The following GREB1 variants were observed in gnomAD, a reference collection of about 807,000 sequenced individuals.
GREB1 encodes the protein growth regulating estrogen receptor binding 1.
GREB1 carries 106 observed loss-of-function variants against 200.7 expected under a neutral mutation model. The ratio of observed to expected loss-of-function variants is 0.53; its 90% CI spans 0.45 to 0.62. The LOEUF is 0.62. Among genes scored for constraint, GREB1 ranks in the 20% least tolerant of loss-of-function variants. The pLI is 0.00. For missense variants in GREB1, 2,243 were observed against 2,556.8 expected, an observed-to-expected ratio of 0.88 and a Z score of 2.65; for synonymous variants, 1,132 against 1,092.4, an observed-to-expected ratio of 1.04 and a Z score of -0.72.
intron 1 of GREB1, among the ~76,000 whole-genome samples, chr2:11,538,946 C>CCT (rs1558512216): frequency 0.17 from 2,885 of 16,698 alleles, 937 homozygotes; most frequent in Non-Finnish European, 0.36. Context: ...CCCCTCCCCT[C>CCT]GTGTCCCCTC....
At chr2:11,631,033 AC>A (rs1242766685) in intron 26 of GREB1, among the ~76,000 whole-genome samples, 1 of 152,126 alleles carries the variant, frequency 6.6e-6, no homozygotes, top group Non-Finnish European at 1.5e-5. Flanking sequence ...GGTACCTCCT[AC>A]CCCACGGGCT....
At chr2:11,585,578 G>A (rs1679997433) in intron 8 of GREB1, among the ~76,000 whole-genome samples, 184 bp from the exon 9 acceptor site, 1 of 152,258 alleles carries the variant, frequency 6.6e-6, no homozygotes, top group African/African-American at 2.4e-5. Context: ...ACTGGGGGAA[G>A]GATGGGCGGA....
At chr2:11,635,979 A>C (rs78772769) in intron 30 of GREB1, among the ~76,000 whole-genome samples, 1 of 152,030 alleles carries the variant, frequency 6.6e-6, no homozygotes, top group Non-Finnish European at 1.5e-5. Context: ...TTTCTCTGTC[A>C]CTTCTGTCTG....
chr2:11,530,450 G>A (rs899519150), upstream of GREB1, among the ~76,000 whole-genome samples: 1 of 150,734 alleles, frequency 6.6e-6, no homozygotes, highest in Non-Finnish European at 1.5e-5. Context: ...TAGGTTAAAA[G>A]TTAAGTTACC....
At chr2:11,572,941 G>A (rs1311711663) in intron 4 of GREB1, among the ~76,000 whole-genome samples, 1 of 152,018 alleles carries the variant, frequency 6.6e-6, no homozygotes, top group Non-Finnish European at 1.5e-5. Flanking sequence ...TTGTTTTGTT[G>A]GGCTTCATGA....
chr2:11,638,723 C>G lies in GREB1; in HGVS notation c.5600C>G (p.Ser1867Trp), dbSNP rs558861861. The change falls in exon 32 of 33, where the codon TCG becomes TGG. Residue 1867 changes from serine (S) to tryptophan (W), a missense_variant. Physicochemically the swap from Ser to Trp is radical, Grantham distance 177 (BLOSUM62 -3). Coordinates refer to ENST00000381486, the MANE Select transcript of GREB1 (RefSeq NM_014668.4). The stretch of plus-strand genomic sequence containing the variant: ...CCCCACTCTTTAAACATCAGCTGCT[C>G]GGACTTGCTGTTCAGTGGGCTGCTG... ...SRPHSLNISC[S>W]DLLFSGLLLY... 2 of 1,614,036 alleles carry G rather than the reference C, an allele frequency of 1.2e-6. No homozygotes were observed. The highest frequency in any genetic ancestry group is 8.5e-7 in the Non-Finnish European group (1 of 1,179,874).
At chr2:11,564,584 C>G (rs865993818) in intron 3 of GREB1, among the ~76,000 whole-genome samples, 1 of 152,332 alleles carries the variant, frequency 6.6e-6, no homozygotes, top group African/African-American at 2.4e-5. Context: ...CAAATAAATA[C>G]AGTAAACACT....
intron 7 of GREB1, among the ~76,000 whole-genome samples, chr2:11,582,688 T>G (rs1679628019): frequency 6.6e-6 from 1 of 152,252 alleles, no homozygotes; most frequent in African/African-American, 2.4e-5. Flanking sequence ...TGGTACCAGC[T>G]GCTGGGGAGC....
rs1243084854 is a variant in GREB1, at chr2:11,597,031, G to A, written c.1955-750G>A. On this transcript the variant is annotated intron_variant, in intron 13 of 32. Coordinates refer to ENST00000381486, the MANE Select transcript of GREB1 (RefSeq NM_014668.4). This position sits in a 1 kb window ranked among gnomAD's most constrained non-coding sequence, Gnocchi z 4.1. ...GCTGTGTGCAGTGAGAGGCGCCAAT[G>A]GGCACAGGTGTGCACCGTGAGAGAG... is the stretch of plus-strand genomic sequence containing the variant. Among the ~76,000 whole-genome samples, 1 of 151,976 alleles carries A rather than the reference G, an allele frequency of 6.6e-6. No individual in the cohort carries two copies. Among genetic ancestry groups the A allele is most frequent in the Non-Finnish European group, 1.5e-5 (1 of 67,948 alleles).
At chr2:11,529,518 T>C (rs1673994510), upstream of GREB1, among the ~76,000 whole-genome samples, 1 of 152,160 alleles carries the variant, frequency 6.6e-6, no homozygotes, top group African/African-American at 2.4e-5. Flanking sequence ...TGTAAGTGGG[T>C]ACCACCCCCT....
intron 32 of GREB1, among the ~76,000 whole-genome samples, chr2:11,639,660 C>A (rs1392359418): frequency 6.6e-6 from 1 of 152,240 alleles, no homozygotes; most frequent in Non-Finnish European, 1.5e-5. Context: ...TGGCTCTGAC[C>A]TTCCCCTCTA....
intron 4 of GREB1, among the ~76,000 whole-genome samples, chr2:11,575,208 A>G (rs1254467810): frequency 6.6e-6 from 1 of 152,224 alleles, no homozygotes; most frequent in Non-Finnish European, 1.5e-5. Flanking sequence ...AATATGATAC[A>G]TGAGTCTTAG....
chr2:11,610,271 A>G (rs1489878948), intron 17 of GREB1, among the ~76,000 whole-genome samples: 1 of 152,224 alleles, frequency 6.6e-6, no homozygotes, highest in Non-Finnish European at 1.5e-5. Context: ...CTGCATTTCC[A>G]TATTGATTGC....
At chr2:11,608,777 A>G (rs893434201) in intron 17 of GREB1, among the ~76,000 whole-genome samples, 4 of 152,204 alleles carry the variant, frequency 2.6e-5, no homozygotes, top group African/African-American at 9.7e-5. Flanking sequence ...TTTGCAACCA[A>G]AGGATTCTTG....
intron 1 of GREB1, among the ~76,000 whole-genome samples, chr2:11,541,892 G>C (rs4669746): frequency 1.3e-5 from 2 of 151,944 alleles, no homozygotes; most frequent in African/African-American, 4.8e-5. Flanking sequence ...CCTTGTATAC[G>C]TTCTGCCTGG....
intron 4 of GREB1, among the ~76,000 whole-genome samples, chr2:11,568,138 A>G (rs1424916048): frequency 1.3e-5 from 2 of 152,210 alleles, no homozygotes; most frequent in Admixed American, 6.5e-5. Flanking sequence ...GAAAACCCCC[A>G]CAATTTCTTA....
rs542615257 is a variant in GREB1, at chr2:11,637,733, C to G, written c.5364C>G (p.Ala1788=). ...HITSKVSDNS[A]AVVPAQYICA... ...CCGTGCAGGTGTCTGATAACTCTGC[C>G]GCGGTCGTGCCGGCCCAGTACATCT... Residue 1788 remains alanine, a synonymous_variant, in exon 31 of 33, where the codon GCC becomes GCG. Transcript: ENST00000381486. The G allele has an allele frequency of 6.2e-7, 1 of 1,613,382 alleles. No individual in the cohort carries two copies. Among genetic ancestry groups the G allele is most frequent in the Non-Finnish European group, 8.5e-7 (1 of 1,179,994 alleles).
intron 30 of GREB1, among the ~76,000 whole-genome samples, chr2:11,636,431 G>C (rs1054381884): frequency 6.6e-6 from 1 of 152,152 alleles, no homozygotes; most frequent in African/African-American, 2.4e-5. Context: ...TTGTATATTG[G>C]TTATGCATAA....
intron 4 of GREB1, among the ~76,000 whole-genome samples, chr2:11,569,819 G>T (rs545135907): frequency 1.3e-5 from 2 of 152,298 alleles, no homozygotes; most frequent in South Asian, 4.1e-4. Context: ...ACATGACAGC[G>T]TGGCACACTG....
Sources: gnomAD v4.1 joint callset for allele counts (sites outside exome capture counted in the v4.1 genomes callset) on GRCh38, gnomAD v4.1.1 for gene constraint, Gnocchi (gnomAD v3.1) non-coding constraint, MANE v1.5 for transcripts, NCBI Gene and HGNC (gene_info 2026-07-23, HGNC 2026-07-21) for gene names.